STIM2: variants seen among roughly 807,000 people sequenced by gnomAD.
The protein encoded by STIM2 is stromal interaction molecule 2.
Under a neutral mutation model 85.8 loss-of-function variants are expected in STIM2, and 31 were observed. The ratio of observed to expected loss-of-function variants is 0.36; its 90% CI spans 0.27 to 0.49. The LOEUF (loss-of-function observed/expected upper bound fraction) is 0.49, where lower values mean the gene tolerates loss of function less well. Among genes scored for constraint, STIM2 ranks in the 20% least tolerant of loss-of-function variants. STIM2 has a pLI of 0.98. For synonymous variants in STIM2, 356 were observed against 331.1 expected (o/e 1.08, Z -0.82); for missense variants, 841 against 927.6 (o/e 0.91, Z 1.21).
intron 10 of STIM2, 42 bp from the exon 11 acceptor site, chr4:27,017,669 C>T (rs376255069): frequency 6.2e-7 from 1 of 1,608,084 alleles, no homozygotes; most frequent in African/African-American, 1.3e-5. Context: ...GTAAAGGGAA[C>T]CCTGGACTTC....
intron 2 of STIM2, among the ~76,000 whole-genome samples, chr4:26,944,763 A>G (rs369690785): frequency 1.3e-5 from 2 of 152,174 alleles, no homozygotes; most frequent in African/African-American, 2.4e-5. Context: ...TTTCTCGTCA[A>G]TCACGTGAAT....
At chr4:26,918,071 C>T (rs989677572) in intron 1 of STIM2, among the ~76,000 whole-genome samples, 13 of 152,016 alleles carry the variant, frequency 8.6e-5, no homozygotes, top group African/African-American at 3.1e-4. Flanking sequence ...CTTATAATTG[C>T]ATTTCCTACT....
chr4:27,007,777 C>A, intron 8 of STIM2, 77 bp downstream of exon 8: 1 of 1,395,768 alleles, frequency 7.2e-7, no homozygotes, highest in Non-Finnish European at 9.5e-7. Flanking sequence ...AGCTGGGATA[C>A]ACAGATCTGA....
intron 10 of STIM2, among the ~76,000 whole-genome samples, chr4:27,013,186 G>A (rs1003593258): frequency 5.3e-5 from 8 of 150,342 alleles, no homozygotes; most frequent in African/African-American, 2.0e-4. Context: ...TGCTTTTCAT[G>A]GTTTCTAGTT....
chr4:26,936,365 C>T (rs1161697283), intron 2 of STIM2, among the ~76,000 whole-genome samples: 2 of 152,142 alleles, frequency 1.3e-5, no homozygotes, highest in Admixed American at 6.6e-5. Context: ...AAGAGCTGAT[C>T]CTCCCAGAGC....
chr4:27,008,769 C>G lies in STIM2; in HGVS notation c.1256C>G (p.Ala419Gly). Reference sequence around the variant, plus strand: ...TTCTTTATTGGCTTTTCCAGGAAAGCTCTCTCTGAGTTGACAACTTGTTTA... The same window carrying G: ...TTCTTTATTGGCTTTTCCAGGAAAGGTCTCTCTGAGTTGACAACTTGTTTA... Residue 419 changes from alanine to glycine, a missense_variant, in exon 10 of 12, where the codon GCT (alanine) becomes GGT (glycine). Physicochemically the swap from Ala to Gly is moderately conservative, Grantham distance 60. Around this residue, in one of 3 missense-constraint regions of STIM2, gnomAD observed 408 missense variants for 525.4 expected, o/e 0.78. Coordinates refer to ENST00000467087, the MANE Select transcript of STIM2 (RefSeq NM_020860.4). 6.2e-7 allele frequency: 1 copy of G among 1,614,006 alleles called. No homozygotes were observed. Among genetic ancestry groups the G allele is most frequent in the Non-Finnish European group, 8.5e-7 (1 of 1,179,928 alleles).
At chr4:26,928,394 G>T (rs1166887857) in intron 2 of STIM2, among the ~76,000 whole-genome samples, 3 of 152,154 alleles carry the variant, frequency 2.0e-5, no homozygotes, top group African/African-American at 7.2e-5. Context: ...AGTTAAAATT[G>T]TGCATGATAT....
rs1722135117 is a variant in STIM2, at chr4:26,860,853, C to T, written c.-366C>T. 1 of 762,944 alleles carries T rather than the reference C, an allele frequency of 1.3e-6. No individual in the cohort carries two copies. The highest frequency in any genetic ancestry group is 2.0e-5 in the African/African-American group (1 of 50,872). 47.3% of individuals were successfully genotyped at this position (762,944 alleles called of 1,614,324 possible). A position where few individuals can be genotyped will look rare whatever the true frequency, so the allele number is the denominator to read the frequency against. ...GTTTGGCGGCGCCAGAGCAGCGGAT[C>T]CCGGTCTCGCCGCAGCAGCAGCGCG... On this transcript the variant is annotated 5_prime_UTR_variant, in exon 1 of 12. Transcript: ENST00000467087.
At chr4:26,911,284 T>A (rs1006101438) in intron 1 of STIM2, among the ~76,000 whole-genome samples, 1 of 151,774 alleles carries the variant, frequency 6.6e-6, no homozygotes, top group African/African-American at 2.4e-5. Flanking sequence ...ATAAAAAAAA[T>A]GAAATAAAAC....
chr4:26,941,287 G>GT (rs954874883), intron 2 of STIM2, among the ~76,000 whole-genome samples: 5 of 152,036 alleles, frequency 3.3e-5, no homozygotes, highest in Middle Eastern at 6.3e-3. Context: ...TCTGTTTCTT[G>GT]TTTTTTGTAT....
At chr4:26,935,270 C>A (rs1163817451) in intron 2 of STIM2, among the ~76,000 whole-genome samples, 1 of 152,100 alleles carries the variant, frequency 6.6e-6, no homozygotes, top group Non-Finnish European at 1.5e-5. Flanking sequence ...AGCAACTCAC[C>A]AAAGCGTGCT....
In STIM2 at chr4:27,020,843, C is replaced by A. The variant is rs188952636; in HGVS notation, c.1764-1676C>A. On this transcript the variant is annotated intron_variant, in intron 11 of 11. Transcript: ENST00000467087. Reference sequence around the variant, plus strand: ...GCTGCCAAGACAAGTGAGACAAGGACCTGGCCTAGTTCCAGCTGCTGGGTT... The same window carrying A: ...GCTGCCAAGACAAGTGAGACAAGGAACTGGCCTAGTTCCAGCTGCTGGGTT... Among the ~76,000 whole-genome samples, 18 of 152,208 alleles carry A rather than the reference C, an allele frequency of 1.2e-4. No individual in the cohort carries two copies. In the East Asian group the frequency reaches 3.3e-3, roughly 28 times the overall value.
At chr4:27,005,263 A>G (rs1373928659) in intron 7 of STIM2, among the ~76,000 whole-genome samples, 1 of 152,204 alleles carries the variant, frequency 6.6e-6, no homozygotes, top group Non-Finnish European at 1.5e-5. Context: ...GACTAATAGT[A>G]CTGCTTTATG....
At chr4:26,976,588 A>T (rs1727206472) in intron 3 of STIM2, among the ~76,000 whole-genome samples, 2 of 152,008 alleles carry the variant, frequency 1.3e-5, no homozygotes, top group Non-Finnish European at 2.9e-5. Context: ...CAGGTGGATC[A>T]CTTGAGGTCA....
chr4:26,891,554 TACATACACACAC>T (rs1723481804), intron 1 of STIM2, among the ~76,000 whole-genome samples: 1 of 112,198 alleles, frequency 8.9e-6, no homozygotes, highest in Admixed American at 9.7e-5. Context: ...TGTGTATACA[TACATACACACAC>T]ACACACACAC....
intron 1 of STIM2, chr4:26,861,694 G>GTT: frequency 6.2e-6 from 1 of 161,122 alleles, no homozygotes; most frequent in Non-Finnish European, 1.2e-5. Flanking sequence ...GGACTGGGCT[G>GTT]ATTTTTTTTT....
At chr4:26,867,933 G>T (rs1315659369) in intron 1 of STIM2, among the ~76,000 whole-genome samples, 1 of 152,160 alleles carries the variant, frequency 6.6e-6, no homozygotes, top group African/African-American at 2.4e-5. Context: ...TACTAGGAAA[G>T]TTCTAAATTG....
intron 11 of STIM2, chr4:27,021,053 C>G: frequency 6.5e-7 from 1 of 1,534,250 alleles, no homozygotes; most frequent in Non-Finnish European, 8.7e-7. Context: ...AGTAGTAAAG[C>G]TCTCAAAAAA....
At chr4:26,993,460 CT>C (rs1384536281) in intron 3 of STIM2, among the ~76,000 whole-genome samples, 2 of 152,106 alleles carry the variant, frequency 1.3e-5, no homozygotes, top group African/African-American at 4.8e-5. Context: ...CTAAAGAACA[CT>C]TAATAAAAAA....
Sources: allele counts gnomAD v4.1 joint callset (sites outside exome capture counted in the v4.1 genomes callset), GRCh38; gene constraint gnomAD v4.1.1; regional missense constraint gnomAD v4.1.1; transcripts MANE v1.5; gene names NCBI Gene and HGNC (gene_info 2026-07-23, HGNC 2026-07-21).